The following LRRC2 variants were observed in gnomAD, a reference collection of about 807,000 sequenced individuals.
LRRC2 encodes the protein leucine rich repeat containing 2, also known as leucine-rich repeat-containing protein 2.
In LRRC2, 27 loss-of-function variants were observed where a neutral mutation model predicts 40.2. The observed-to-expected ratio is 0.67, with a 90% CI of 0.49 to 0.93. The LOEUF (loss-of-function observed/expected upper bound fraction) is 0.93. LRRC2 is among the 40% of genes least tolerant of loss of function. The pLI, the probability that LRRC2 is intolerant of heterozygous loss-of-function variation, is 0.00. For synonymous variants in LRRC2, 147 were observed against 158.9 expected, an observed-to-expected ratio of 0.92 and a Z score of 0.56; for missense variants, 402 against 439.6, an observed-to-expected ratio of 0.91 and a Z score of 0.76.
intron 6 of LRRC2, among the ~76,000 whole-genome samples, 153 bp from the exon 7 acceptor site, chr3:46,527,734 G>GTT (rs374973483): frequency 6.8e-6 from 1 of 146,018 alleles, no homozygotes; most frequent in Non-Finnish European, 1.5e-5. Flanking sequence ...TTTGTTCTTC[G>GTT]TTTTTTTTTT....
At chr3:46,545,819 G>A (rs1479717294) in intron 2 of LRRC2, among the ~76,000 whole-genome samples, 4 of 152,202 alleles carry the variant, frequency 2.6e-5, no homozygotes, top group Non-Finnish European at 2.9e-5. Context: ...CCAGCTTGAT[G>A]CTAAGCTCCA....
At chr3:46,540,508 G>C (rs900904579) in intron 3 of LRRC2, among the ~76,000 whole-genome samples, 9 of 148,400 alleles carry the variant, frequency 6.1e-5, no homozygotes, top group South Asian at 2.1e-4. Flanking sequence ...CTGGGTGACA[G>C]AGTGAGACTC....
chr3:46,554,236 G>T (rs1214320775), intron 1 of LRRC2, among the ~76,000 whole-genome samples: 1 of 113,962 alleles, frequency 8.8e-6, no homozygotes, highest in Non-Finnish European at 1.9e-5. Flanking sequence ...GCCCAGACTG[G>T]TCTCAAACTC....
intron 7 of LRRC2, 134 bp downstream of exon 7, chr3:46,527,292 T>G (rs1291597099): frequency 1.1e-6 from 1 of 903,208 alleles, no homozygotes; most frequent in East Asian, 2.5e-5. Context: ...CACCAGAACT[T>G]CTGTGAGTTG....
intron 2 of LRRC2, among the ~76,000 whole-genome samples, chr3:46,550,377 C>CG (rs1553613799): frequency 1.2e-5 from 1 of 84,008 alleles, no homozygotes; most frequent in Non-Finnish European, 2.2e-5. Context: ...CCTTACACAT[C>CG]TTTTTTTTTT....
At chr3:46,543,534 T>A (rs1387108945) in intron 3 of LRRC2, among the ~76,000 whole-genome samples, 3 of 151,814 alleles carry the variant, frequency 2.0e-5, no homozygotes, top group Non-Finnish European at 4.4e-5. Context: ...GAGAATGGCG[T>A]GAACCCGGGA....
chr3:46,556,576 CTT>C (rs143635012), intron 1 of LRRC2, among the ~76,000 whole-genome samples: 22 of 104,762 alleles, frequency 2.1e-4, no homozygotes, highest in African/African-American at 8.2e-4. Context: ...GTCATTATTT[CTT>C]TTTTTTTTTT....
rs1704185053 is a variant in LRRC2 at position 46,532,817 on chromosome 3, G to C, written c.583C>G (p.Leu195Val). 6.2e-7 allele frequency: 1 copy of C among 1,613,834 alleles called. No homozygotes were observed. The highest frequency in any genetic ancestry group is 1.3e-5 in the African/African-American group (1 of 74,906). ...ELGDCENLER[L>V]DCSGNLELME... ...AATTCTAGATTTCCAGAACAATCCA[G>C]TCTCTCTAGATTTTCACAATCTCCC... is the stretch of plus-strand genomic sequence containing the variant. The change falls in exon 5 of 9, where the codon CTG becomes GTG. Residue 195 changes from leucine to valine, a missense_variant. Coordinates refer to ENST00000395905, the MANE Select transcript of LRRC2 (RefSeq NM_024512.5).
chr3:46,540,639 G>A (rs947986596), intron 3 of LRRC2, among the ~76,000 whole-genome samples: 5 of 152,100 alleles, frequency 3.3e-5, no homozygotes, highest in African/African-American at 9.7e-5. Context: ...TGAGTTTGCA[G>A]AGCCTAGTGC....
At chr3:46,545,563 A>G (rs889823587) in intron 2 of LRRC2, among the ~76,000 whole-genome samples, 1 of 152,246 alleles carries the variant, frequency 6.6e-6, no homozygotes, top group Non-Finnish European at 1.5e-5. Context: ...GCAGGGCCAC[A>G]GGGATTCACT....
rs754455808 is a variant in LRRC2 at position 46,545,039 on chromosome 3, G to T, written c.333+7C>A. ...CACTGCATTGGGCGAGAACTGCCTC[G>T]ACTCACCGTCCAGTGCTCCCCAGAA... On this transcript the variant is annotated splice_region_variant and intron_variant, in intron 3 of 8. Coordinates refer to ENST00000395905, the MANE Select transcript of LRRC2 (RefSeq NM_024512.5). 3.1e-6 allele frequency: 5 copies of T among 1,611,830 alleles called. No homozygotes were observed. The South Asian group carries it at 3.3e-5, about 11-fold the overall frequency.
intron 4 of LRRC2, among the ~76,000 whole-genome samples, chr3:46,536,721 T>G (rs866639348): frequency 1.3e-5 from 2 of 152,142 alleles, no homozygotes; most frequent in African/African-American, 2.4e-5. Context: ...TAAGGCTTTT[T>G]GGGGGATTCT....
intron 4 of LRRC2, among the ~76,000 whole-genome samples, chr3:46,534,752 C>A (rs1279193759): frequency 2.6e-5 from 4 of 152,106 alleles, no homozygotes; most frequent in African/African-American, 7.2e-5. Flanking sequence ...AAAAAGAATA[C>A]CCTGTCTAGT....
chr3:46,522,760 A>AACACACACACAC (rs71098411), intron 7 of LRRC2, among the ~76,000 whole-genome samples: 2,758 of 143,308 alleles, frequency 0.019, 60 homozygotes, highest in Admixed American at 0.025. Context: ...AACTACTGCT[A>AACACACACACAC]ACACACACAC....
At chr3:46,519,540 T>C (rs996627744) in intron 8 of LRRC2, among the ~76,000 whole-genome samples, 3 of 152,204 alleles carry the variant, frequency 2.0e-5, no homozygotes, top group Non-Finnish European at 4.4e-5. Flanking sequence ...ACCCCTCTTC[T>C]CTCTCCCTTC....
chr3:46,529,963 A>C lies in LRRC2; in HGVS notation c.715T>G (p.Leu239Val), dbSNP rs1355707721. ...TTGCTGCTGATATCCAACCACTGCA[A>C]ATTCGACATCCGCAGGACACAGATT... Reference protein sequence around the residue: ...VPICVLRMSNLQWLDISSNNL... With the variant: ...VPICVLRMSNVQWLDISSNNL... Residue 239 changes from leucine to valine, a missense_variant, in exon 6 of 9, where the codon TTG becomes GTG. Transcript: ENST00000395905. 1 of 1,614,160 alleles carries C rather than the reference A, an allele frequency of 6.2e-7. No individual in the cohort carries two copies. The highest frequency in any genetic ancestry group is 8.5e-7 in the Non-Finnish European group (1 of 1,180,020).
At chr3:46,533,146 C>T (rs368387023) in intron 4 of LRRC2, among the ~76,000 whole-genome samples, 1 of 152,126 alleles carries the variant, frequency 6.6e-6, no homozygotes, top group East Asian at 1.9e-4. Flanking sequence ...ATTACAGAAT[C>T]TGAAACAAAA....
intron 1 of LRRC2, among the ~76,000 whole-genome samples, chr3:46,565,744 A>T (rs1559424037): frequency 6.6e-6 from 1 of 152,210 alleles, no homozygotes; most frequent in African/African-American, 2.4e-5. Flanking sequence ...GCTGGAAGAA[A>T]AGACTTCCCC....
intron 1 of LRRC2, among the ~76,000 whole-genome samples, chr3:46,553,588 G>A (rs1035185039): frequency 6.6e-6 from 1 of 152,050 alleles, no homozygotes; most frequent in African/African-American, 2.4e-5. Context: ...CCTGGGCTCA[G>A]GGGATCCTCC....
Sources: allele counts gnomAD v4.1 joint callset (sites outside exome capture counted in the v4.1 genomes callset), GRCh38; gene constraint gnomAD v4.1.1; transcripts MANE v1.5; gene names NCBI Gene and HGNC (gene_info 2026-07-23, HGNC 2026-07-21).